LSG1: variants seen among roughly 807,000 people sequenced by gnomAD.
LSG1 encodes the protein large subunit GTPase 1 homolog.
In LSG1, 55 loss-of-function variants were observed where a neutral mutation model predicts 82.6. That is an observed-to-expected ratio of 0.67 (90% confidence interval 0.54 to 0.83). The LOEUF is 0.83. Ranked by LOEUF, LSG1 falls within the 40% of genes least tolerant of loss-of-function variation. The probability of loss-of-function intolerance (pLI) is 0.00; values close to 1 mark genes in which losing one functional copy is unlikely to be tolerated. For missense variants in LSG1, 809 were observed against 807.9 expected, an observed-to-expected ratio of 1.00 and a Z score of -0.02; for synonymous variants, 272 against 282.5, an observed-to-expected ratio of 0.96 and a Z score of 0.37.
intron 2 of LSG1, among the ~76,000 whole-genome samples, chr3:194,667,945 AT>A (rs1560229902): frequency 0.012 from 910 of 72,938 alleles, 53 homozygotes; most frequent in African/African-American, 0.034. Context: ...AAAAAAAAAT[AT>A]ATATATATAT....
intron 11 of LSG1, among the ~76,000 whole-genome samples, chr3:194,647,873 G>GT: frequency 6.8e-6 from 1 of 146,296 alleles, no homozygotes; most frequent in East Asian, 2.5e-4. Context: ...CTATGAATCT[G>GT]TAATTAGAAT....
intron 7 of LSG1, among the ~76,000 whole-genome samples, chr3:194,656,960 G>C (rs1172613141): frequency 1.3e-5 from 2 of 151,858 alleles, no homozygotes; most frequent in African/African-American, 4.8e-5. Context: ...AGAACACATG[G>C]ATACAGGAAC....
chr3:194,665,858 C>T (rs1719019583), intron 4 of LSG1, among the ~76,000 whole-genome samples: 1 of 152,160 alleles, frequency 6.6e-6, no homozygotes, highest in African/African-American at 2.4e-5. Flanking sequence ...GCTATTTATG[C>T]CCTGGAAGTT....
chr3:194,654,908 G>T lies in LSG1; in HGVS notation c.760-1766C>A, dbSNP rs1290019122. ...TTTTGAAAAATGTCACATTTTTTCA[G>T]AACATTCACGTTTTTCAAACAACTG... On this transcript the variant is annotated intron_variant, in intron 7 of 13. Transcript: ENST00000265245. Among the ~76,000 whole-genome samples the T allele has an allele frequency of 2.0e-5, 3 of 152,108 alleles. No homozygotes were observed. In the East Asian group the frequency reaches 5.8e-4, roughly 29 times the overall value.
In LSG1 at chr3:194,663,886, G is replaced by A. The variant is rs548911018; in HGVS notation, c.521+1671C>T. 2.2e-4 allele frequency among the ~76,000 whole-genome samples: 34 copies of A among 152,268 alleles called. No individual in the cohort carries two copies. In the South Asian group the frequency reaches 4.6e-3, roughly 20 times the overall value. ...CAGCCCAAGAGCCCTTTCTGTACCC[G>A]TAGAGAGCTGAGGATGGGGGCATTC... On this transcript the variant is annotated intron_variant, in intron 5 of 13. Coordinates refer to ENST00000265245, the MANE Select transcript of LSG1 (RefSeq NM_018385.3).
intron 2 of LSG1, among the ~76,000 whole-genome samples, chr3:194,667,942 A>AT (rs1553846962): frequency 2.3e-5 from 2 of 86,968 alleles, no homozygotes; most frequent in Non-Finnish European, 4.1e-5. Flanking sequence ...AAAAAAAAAA[A>AT]ATATATATAT....
Position 194,652,033 on chromosome 3 carries a change from T to A in LSG1, c.1173+696A>T, listed in dbSNP as rs146122757. On this transcript the variant is annotated intron_variant, in intron 8 of 13. Coordinates refer to ENST00000265245, the MANE Select transcript of LSG1 (RefSeq NM_018385.3). ...AAAACTAACTAGGATTAGCTACACT[T>A]AGCATGTAACTGAAAAGCTGGGAGA... is the stretch of plus-strand genomic sequence containing the variant. Among the ~76,000 whole-genome samples the A allele has an allele frequency of 2.9e-3, 445 of 152,306 alleles. 1 individual carries two copies. Among genetic ancestry groups the A allele is most frequent in the African/African-American group, 0.01 (420 of 41,568 alleles).
Position 194,672,125 on chromosome 3 carries a change from C to G in LSG1, c.38G>C (p.Gly13Ala). Reference sequence around the variant, plus strand: ...AGTCTGATGGCGCATAAGGGCCCGTCCCAGCGACCCACCGGCCGGGGCTCT... The same window carrying G: ...AGTCTGATGGCGCATAAGGGCCCGTGCCAGCGACCCACCGGCCGGGGCTCT... ...RRRAPAGGSL[G>A]RALMRHQTQR... The change falls in exon 1 of 14, where the codon GGA (glycine) becomes GCA (alanine). Residue 13 changes from glycine (G) to alanine (A), a missense_variant. Gly to Ala is a moderately conservative substitution (Grantham distance 60, BLOSUM62 0). Transcript: ENST00000265245. 1 of 1,607,222 alleles carries G rather than the reference C, an allele frequency of 6.2e-7. No homozygotes were observed. Among genetic ancestry groups the G allele is most frequent in the Non-Finnish European group, 8.5e-7 (1 of 1,179,962 alleles).
In LSG1 at chr3:194,670,146, A is replaced by T. The variant is rs1719115672; in HGVS notation, c.100-11T>A. The T allele has an allele frequency of 6.2e-7, 1 of 1,611,736 alleles. No individual in the cohort carries two copies. The highest frequency in any genetic ancestry group is 1.3e-5 in the African/African-American group (1 of 74,482). Reference sequence around the variant, plus strand: ...TTCACTTGTGTGCAACTATGAAAAAACACAGGGTGATAAATACAGCTGCTC... The same window carrying T: ...TTCACTTGTGTGCAACTATGAAAAATCACAGGGTGATAAATACAGCTGCTC... On this transcript the variant is annotated splice_polypyrimidine_tract_variant and intron_variant, in intron 1 of 13. Coordinates refer to ENST00000265245, the MANE Select transcript of LSG1 (RefSeq NM_018385.3).
Position 194,645,531 on chromosome 3 carries a change from GACAGACACACACAC to G in LSG1, c.1623+619_1623+632del, listed in dbSNP as rs1434625899. 193 of 35,112 alleles carry G rather than the reference GACAGACACACACAC, an allele frequency of 5.5e-3. 21 individuals are homozygous for G. The highest frequency in any genetic ancestry group is 0.026 in the African/African-American group (190 of 7,352). 2.2% of individuals were successfully genotyped at this position (35,112 alleles called of 1,614,324 possible). ...ACACACACACACACACACACACACA[GACAGACACACACAC>G]ACACACACACACACACACACACACA... On this transcript the variant is annotated intron_variant, in intron 12 of 13. Coordinates refer to ENST00000265245, the MANE Select transcript of LSG1 (RefSeq NM_018385.3).
intron 10 of LSG1, chr3:194,649,075 T>C (rs769223535): frequency 6.5e-6 from 2 of 309,848 alleles, no homozygotes; most frequent in Non-Finnish European, 1.2e-5. Context: ...TGACACATTT[T>C]TACCCTGAAA....
chr3:194,642,314 C>G (rs1718415586), intron 13 of LSG1, 67 bp from the exon 14 acceptor site: 2 of 1,345,456 alleles, frequency 1.5e-6, no homozygotes, highest in Admixed American at 2.3e-5. Flanking sequence ...ATGCACAGTA[C>G]TATTAGTGGA....
rs397819182 is a variant in LSG1, at chr3:194,658,920, C to CT, written c.759+36dup. On this transcript the variant is annotated intron_variant, in intron 7 of 13. Coordinates refer to ENST00000265245, the MANE Select transcript of LSG1 (RefSeq NM_018385.3). ...CACATTAACAAGAAATCAAAATTCC[C>CT]TCTTTGAAAGCCAACCTAAAATGTC... is the stretch of plus-strand genomic sequence containing the variant. 5.1e-6 allele frequency: 8 copies of CT among 1,557,188 alleles called. No individual in the cohort carries two copies. The South Asian group carries it at 8.2e-5, about 16-fold the overall frequency.
Position 194,648,678 on chromosome 3 carries a change from T to G in LSG1, c.1543+3A>C, listed in dbSNP as rs778878472. 1 of 1,613,730 alleles carries G rather than the reference T, an allele frequency of 6.2e-7. No individual in the cohort carries two copies. Among genetic ancestry groups the G allele is most frequent in the Non-Finnish European group, 8.5e-7 (1 of 1,179,830 alleles). On this transcript the variant is annotated splice_donor_region_variant and intron_variant, in intron 11 of 13. Transcript: ENST00000265245. ...TCACATTTTCTGATGAATCACAACT[T>G]ACATCCATAAGCTGTCAACAGTTCT...
intron 11 of LSG1, among the ~76,000 whole-genome samples, chr3:194,648,387 G>A (rs1250733352): frequency 6.6e-6 from 1 of 151,782 alleles, no homozygotes; most frequent in African/African-American, 2.4e-5. Context: ...CCACACATCC[G>A]CTTTCTTCTT....
chr3:194,669,532 T>C (rs900882057), intron 2 of LSG1, among the ~76,000 whole-genome samples: 2 of 152,232 alleles, frequency 1.3e-5, no homozygotes, highest in Non-Finnish European at 2.9e-5. Context: ...GCCAAACTTC[T>C]AGCCATTTTC....
At chr3:194,666,110 T>C in intron 4 of LSG1, 93 bp downstream of exon 4, 1 of 1,105,976 alleles carries the variant, frequency 9.0e-7, no homozygotes, top group Middle Eastern at 2.0e-4. Flanking sequence ...CTTAAAAGAA[T>C]CAAAACTTCA....
Position 194,648,584 on chromosome 3 carries a change from T to C in LSG1, c.1543+97A>G, listed in dbSNP as rs1000974238. ...GAAGAAATATTATAAATGTGTATCT[T>C]TGCAGAACAGCAATTCTAGTACTAT... On this transcript the variant is annotated intron_variant, in intron 11 of 13. Coordinates refer to ENST00000265245, the MANE Select transcript of LSG1 (RefSeq NM_018385.3). The C allele has an allele frequency of 2.2e-5, 28 of 1,301,208 alleles. No individual in the cohort carries two copies. In the African/African-American group the frequency reaches 3.1e-4, roughly 14 times the overall value. The allele number at this position is 1,301,208 out of a possible 1,614,324, so 80.6% of individuals were successfully genotyped here. A position where few individuals can be genotyped will look rare whatever the true frequency, so the allele number is the denominator to read the frequency against.
intron 5 of LSG1, among the ~76,000 whole-genome samples, chr3:194,664,029 G>C (rs990706754): frequency 1.3e-5 from 2 of 152,168 alleles, no homozygotes; most frequent in African/African-American, 4.8e-5. Flanking sequence ...CTGGAGTGCA[G>C]TGGTGCGATC....
Sources: gnomAD v4.1 joint callset for allele counts (sites outside exome capture counted in the v4.1 genomes callset) on GRCh38, gnomAD v4.1.1 for gene constraint, MANE v1.5 for transcripts, NCBI Gene and HGNC (gene_info 2026-07-23, HGNC 2026-07-21) for gene names.